COL22A1: variants seen among roughly 807,000 people sequenced by gnomAD.
COL22A1 encodes the protein collagen type XXII alpha 1 chain.
In COL22A1, 221 loss-of-function variants were observed where a neutral mutation model predicts 248.9. The observed-to-expected ratio is 0.89, with a 90% CI of 0.80 to 0.99. The LOEUF is 0.99. Among genes scored for constraint, COL22A1 ranks in the 50% least tolerant of loss-of-function variants. COL22A1 has a pLI of 0.00. For missense variants in COL22A1, 2,240 were observed against 2,179.0 expected (o/e 1.03, Z -0.56); for synonymous variants, 891 against 793.4 (o/e 1.12, Z -2.07).
At chr8:138,742,566 T>C (rs1470207206) in intron 22 of COL22A1, among the ~76,000 whole-genome samples, 2 of 151,848 alleles carry the variant, frequency 1.3e-5, no homozygotes, top group African/African-American at 4.9e-5. Flanking sequence ...GTGGTAGTGA[T>C]AGTGATGATG....
intron 1 of COL22A1, among the ~76,000 whole-genome samples, chr8:138,885,596 T>A (rs1824606139): frequency 6.6e-6 from 1 of 152,220 alleles, no homozygotes; most frequent in Non-Finnish European, 1.5e-5. Context: ...TTTTTGTTTT[T>A]TTCTGATGGA....
chr8:138,764,076 G>C (rs373678532), intron 16 of COL22A1, among the ~76,000 whole-genome samples: 65 of 152,282 alleles, frequency 4.3e-4, no homozygotes, highest in African/African-American at 1.5e-3. Flanking sequence ...TTTCTTTGCT[G>C]CTTTTTCCGT....
chr8:138,744,094 C>T (rs1357475379), intron 22 of COL22A1, among the ~76,000 whole-genome samples: 1 of 152,188 alleles, frequency 6.6e-6, no homozygotes, highest in African/African-American at 2.4e-5. Flanking sequence ...TAAACCCTGG[C>T]TTCATGCCAT....
At chr8:138,909,022 G>C (rs1313762526) in intron 1 of COL22A1, among the ~76,000 whole-genome samples, 1 of 152,192 alleles carries the variant, frequency 6.6e-6, no homozygotes, top group Non-Finnish European at 1.5e-5. Context: ...GAGGAAACTG[G>C]ACAAGCTGCC....
chr8:138,660,537 T>C (rs1236225009), intron 43 of COL22A1, 57 bp from the exon 44 acceptor site: 1 of 1,481,690 alleles, frequency 6.7e-7, no homozygotes, highest in African/African-American at 1.4e-5. Flanking sequence ...CCTGACCCAC[T>C]CTACCCACAC....
At chr8:138,767,801 C>T (rs1055368110) in intron 16 of COL22A1, among the ~76,000 whole-genome samples, 1 of 152,096 alleles carries the variant, frequency 6.6e-6, no homozygotes, top group Non-Finnish European at 1.5e-5. Flanking sequence ...AGGGCGCCCC[C>T]ACTCCACTGA....
At position 138,623,697 on chromosome 8, in the gene COL22A1, G is replaced by A. The variant is rs143912495; in HGVS notation, c.3771+35C>T. ...TTGTTTTTGACATGTAATAGATTTG[G>A]CATGTGATATAATAGGAAGTTTAGA... On this transcript the variant is annotated intron_variant, in intron 52 of 64. Coordinates refer to ENST00000303045, the MANE Select transcript of COL22A1 (RefSeq NM_152888.3). 1.4e-5 allele frequency: 22 copies of A among 1,555,798 alleles called. No individual in the cohort carries two copies. In the African/African-American group the frequency reaches 1.8e-4, roughly 13 times the overall value.
At chr8:138,774,979 C>T (rs546437734) in intron 16 of COL22A1, among the ~76,000 whole-genome samples, 5 of 152,170 alleles carry the variant, frequency 3.3e-5, no homozygotes, top group Non-Finnish European at 7.3e-5. Context: ...CCTACGTGCC[C>T]ACTATAGTTG....
intron 23 of COL22A1, among the ~76,000 whole-genome samples, chr8:138,736,190 G>C (rs1157203614): frequency 6.6e-6 from 1 of 151,776 alleles, no homozygotes; most frequent in Non-Finnish European, 1.5e-5. Flanking sequence ...TGAGCACTGG[G>C]TTCCTTCTGT....
At chr8:138,806,023 T>TGATA (rs1270702466) in intron 10 of COL22A1, among the ~76,000 whole-genome samples, 42 of 23,652 alleles carry the variant, frequency 1.8e-3, no homozygotes, top group Middle Eastern at 0.023. Context: ...TAGGTAATGG[T>TGATA]GTGTGGTTGT....
intron 3 of COL22A1, among the ~76,000 whole-genome samples, chr8:138,857,054 C>T (rs1822086214): frequency 6.6e-6 from 1 of 152,080 alleles, no homozygotes; most frequent in South Asian, 2.1e-4. Flanking sequence ...CTGCCTGTCC[C>T]CTCCTGGCCT....
At chr8:138,881,962 G>A (rs981324252) in intron 2 of COL22A1, among the ~76,000 whole-genome samples, 5 of 152,092 alleles carry the variant, frequency 3.3e-5, no homozygotes, top group African/African-American at 9.7e-5. Context: ...CTCCTGCCCC[G>A]GGCCTTCTCA....
At chr8:138,735,940 G>A (rs947038798) in intron 23 of COL22A1, among the ~76,000 whole-genome samples, 2 of 152,150 alleles carry the variant, frequency 1.3e-5, no homozygotes. Context: ...TGGAGGTGGG[G>A]CTGTCCAGTC....
chr8:138,732,981 T>C (rs12545864), intron 23 of COL22A1, among the ~76,000 whole-genome samples: 3,975 of 152,300 alleles, frequency 0.026, 222 homozygotes, highest in East Asian at 0.25. Flanking sequence ...GACTTGGACA[T>C]GTTTATTTTG....
chr8:138,699,702 G>A (rs1444976012), intron 32 of COL22A1, among the ~76,000 whole-genome samples: 2 of 152,126 alleles, frequency 1.3e-5, no homozygotes, highest in Non-Finnish European at 1.5e-5. Context: ...GTCCCCTCTT[G>A]ACACCCCTGT....
chr8:138,753,197 T>C (rs909386878), intron 21 of COL22A1, among the ~76,000 whole-genome samples: 1 of 152,204 alleles, frequency 6.6e-6, no homozygotes, highest in Non-Finnish European at 1.5e-5. Context: ...TTCACTTTAC[T>C]GGCCCTCTTG....
Position 138,821,427 on chromosome 8 carries a change from C to T in COL22A1, c.970-16G>A. 6.2e-7 allele frequency: 1 copy of T among 1,606,026 alleles called. No individual in the cohort carries two copies. The highest frequency in any genetic ancestry group is 8.5e-7 in the Non-Finnish European group (1 of 1,173,538). On this transcript the variant is annotated splice_polypyrimidine_tract_variant and intron_variant, in intron 6 of 64. Coordinates refer to ENST00000303045, the MANE Select transcript of COL22A1 (RefSeq NM_152888.3). The stretch of plus-strand genomic sequence containing the variant: ...GGATGGAGACCTGGGGAGGAAAGGA[C>T]CAGAGACTCCTTGAGCTTCTTGGGG...
At chr8:138,668,801 G>A (rs1445511558) in intron 41 of COL22A1, among the ~76,000 whole-genome samples, 1 of 152,222 alleles carries the variant, frequency 6.6e-6, no homozygotes, top group Non-Finnish European at 1.5e-5. Flanking sequence ...AATCTCTGTT[G>A]TAATGATTGA....
chr8:138,673,583 C>T (rs572890026), intron 41 of COL22A1, among the ~76,000 whole-genome samples: 1 of 152,228 alleles, frequency 6.6e-6, no homozygotes, highest in East Asian at 1.9e-4. Context: ...TAAATCCTGC[C>T]CATCCTGCCG....
Sources: gnomAD v4.1 joint callset for allele counts (sites outside exome capture counted in the v4.1 genomes callset) on GRCh38, gnomAD v4.1.1 for gene constraint, MANE v1.5 for transcripts, NCBI Gene and HGNC (gene_info 2026-07-23, HGNC 2026-07-21) for gene names.